The following EEFSEC variants were observed in gnomAD, a reference collection of about 807,000 sequenced individuals.
EEFSEC encodes the protein eukaryotic elongation factor, selenocysteine-tRNA specific, also known as selenocysteine-specific elongation factor.
EEFSEC carries 43 observed loss-of-function variants against 42.1 expected under a neutral mutation model. That is an observed-to-expected ratio of 1.02 (90% confidence interval 0.80 to 1.32). EEFSEC has a LOEUF of 1.32. Among genes scored for constraint, EEFSEC ranks in the 40% most tolerant of loss-of-function variants. The pLI is 0.00. For missense variants in EEFSEC, 745 were observed against 803.6 expected (o/e 0.93, Z 0.88); for synonymous variants, 354 against 339.1 (o/e 1.04, Z -0.48).
At chr3:128,161,513 C>G (rs1307270791) in intron 1 of EEFSEC, among the ~76,000 whole-genome samples, 1 of 152,138 alleles carries the variant, frequency 6.6e-6, no homozygotes, top group Non-Finnish European at 1.5e-5. Context: ...GTGGGTCTGA[C>G]CCTCTCTGAG....
chr3:128,246,242 A>G (rs1457762945), intron 1 of EEFSEC, among the ~76,000 whole-genome samples: 5 of 151,972 alleles, frequency 3.3e-5, no homozygotes, highest in Non-Finnish European at 7.4e-5. Context: ...ACACACACAC[A>G]CACACACACG....
intron 1 of EEFSEC, among the ~76,000 whole-genome samples, chr3:128,241,329 C>T (rs2066069111): frequency 6.6e-6 from 1 of 151,884 alleles, no homozygotes; most frequent in East Asian, 1.9e-4. Flanking sequence ...CCTACCTTAG[C>T]CTCCCAAGTA....
chr3:128,359,009 A>G (rs1010073963), intron 6 of EEFSEC, among the ~76,000 whole-genome samples: 4 of 152,140 alleles, frequency 2.6e-5, no homozygotes, highest in Admixed American at 6.5e-5. Flanking sequence ...GGGGATATGG[A>G]GCTTACAGTT....
chr3:128,269,832 C>A (rs981797507), intron 4 of EEFSEC, among the ~76,000 whole-genome samples: 1 of 152,250 alleles, frequency 6.6e-6, no homozygotes, highest in African/African-American at 2.4e-5. Context: ...CTCTCTCGAT[C>A]TTCAGCCTGA....
At chr3:128,243,618 C>T (rs1486627400) in intron 1 of EEFSEC, among the ~76,000 whole-genome samples, 2 of 152,202 alleles carry the variant, frequency 1.3e-5, no homozygotes, top group African/African-American at 4.8e-5. Flanking sequence ...TATGAACCCT[C>T]AGCATGGAGC....
intron 4 of EEFSEC, among the ~76,000 whole-genome samples, chr3:128,282,062 T>A (rs1057145415): frequency 2.0e-5 from 3 of 152,174 alleles, no homozygotes; most frequent in African/African-American, 7.2e-5. Context: ...GGTCCCGTGC[T>A]CCCCACGTGC....
chr3:128,246,722 A>G (rs2066131526), intron 1 of EEFSEC, 114 bp from the exon 2 acceptor site: 1 of 1,116,888 alleles, frequency 9.0e-7, no homozygotes, highest in East Asian at 2.4e-5. Context: ...TGTAGTCACC[A>G]TTTATTCCAC....
chr3:128,309,088 A>G (rs1411034461), intron 4 of EEFSEC, among the ~76,000 whole-genome samples: 1 of 152,244 alleles, frequency 6.6e-6, no homozygotes, highest in Admixed American at 6.5e-5. Context: ...CCCATGAGCA[A>G]GAGTGTGAAA....
At chr3:128,262,095 T>C in intron 2 of EEFSEC, 33 bp from the exon 3 acceptor site, 1 of 1,607,162 alleles carries the variant, frequency 6.2e-7, no homozygotes, top group Non-Finnish European at 8.5e-7. Flanking sequence ...TGCTGATCTC[T>C]GTAACTGTGA....
intron 6 of EEFSEC, among the ~76,000 whole-genome samples, chr3:128,374,958 C>T (rs1306163714): frequency 6.6e-6 from 1 of 152,246 alleles, no homozygotes; most frequent in Non-Finnish European, 1.5e-5. Flanking sequence ...TGACTGTTCT[C>T]ATTTTTGTCC....
chr3:128,203,244 G>A (rs1310857072), intron 1 of EEFSEC, among the ~76,000 whole-genome samples: 4 of 152,198 alleles, frequency 2.6e-5, no homozygotes, highest in East Asian at 1.9e-4. Flanking sequence ...ATTTGTTGAC[G>A]GAAGTGATTT....
intron 1 of EEFSEC, among the ~76,000 whole-genome samples, chr3:128,188,095 G>A (rs1466027661): frequency 1.3e-5 from 2 of 152,148 alleles, no homozygotes; most frequent in Admixed American, 6.5e-5. Context: ...GGCATTGATG[G>A]GTTGGAGGGG....
chr3:128,156,305 G>A (rs1341378361), intron 1 of EEFSEC, among the ~76,000 whole-genome samples: 4 of 152,200 alleles, frequency 2.6e-5, no homozygotes, highest in African/African-American at 9.6e-5. Context: ...GAGCGTGGTG[G>A]TTACCATTTA....
chr3:128,348,142 G>C (rs902846213), intron 5 of EEFSEC, among the ~76,000 whole-genome samples: 1 of 152,100 alleles, frequency 6.6e-6, no homozygotes, highest in African/African-American at 2.4e-5. Context: ...TGTGGCCACA[G>C]AGAAAAAACC....
Position 128,153,704 on chromosome 3 carries a change from C to T in EEFSEC, c.197C>T (p.Ser66Leu), listed in dbSNP as rs1002418646. 6.3e-7 allele frequency: 1 copy of T among 1,588,056 alleles called. No individual in the cohort carries two copies. Among genetic ancestry groups the T allele is most frequent in the Non-Finnish European group, 8.5e-7 (1 of 1,175,368 alleles). The change falls in exon 1 of 7, where the codon TCG (serine) becomes TTG (leucine). Residue 66 changes from serine (S) to leucine (L), a missense_variant. By Grantham distance (145) the Ser-to-Leu change is moderately radical (BLOSUM62 -2). Transcript: ENST00000254730. ...GTGCCGCTGCCCGCGCGCCTGCGGTCGTCTTTGCCCGAGTTCCAGGCAGCG... is the reference window on the plus strand; with the variant it reads ...GTGCCGCTGCCCGCGCGCCTGCGGTTGTCTTTGCCCGAGTTCCAGGCAGCG... Reference protein sequence around the residue: ...FSVPLPARLRSSLPEFQAAPE... With the variant: ...FSVPLPARLRLSLPEFQAAPE...
chr3:128,406,434 G>A (rs1422622481), intron 6 of EEFSEC, among the ~76,000 whole-genome samples: 2 of 152,166 alleles, frequency 1.3e-5, no homozygotes, highest in African/African-American at 4.8e-5. Context: ...AATCGATTCA[G>A]GAGATCCGCT....
intron 6 of EEFSEC, among the ~76,000 whole-genome samples, chr3:128,370,282 C>T (rs1411135142): frequency 6.6e-6 from 1 of 152,146 alleles, no homozygotes; most frequent in East Asian, 1.9e-4. Context: ...GGTTTGACCA[C>T]TAGTGAAGGT....
chr3:128,369,931 A>T (rs2067633869), intron 6 of EEFSEC, among the ~76,000 whole-genome samples: 1 of 152,180 alleles, frequency 6.6e-6, no homozygotes, highest in Non-Finnish European at 1.5e-5. Flanking sequence ...GCAGAACCAC[A>T]ACGCAGTTAC....
At chr3:128,292,144 C>A (rs1230802931) in intron 4 of EEFSEC, among the ~76,000 whole-genome samples, 1 of 152,002 alleles carries the variant, frequency 6.6e-6, no homozygotes, top group Admixed American at 6.6e-5. Flanking sequence ...GAATGTCAGA[C>A]CCACTTTACA....
Sources: gnomAD v4.1 joint callset for allele counts (sites outside exome capture counted in the v4.1 genomes callset) on GRCh38, gnomAD v4.1.1 for gene constraint, MANE v1.5 for transcripts, NCBI Gene and HGNC (gene_info 2026-07-23, HGNC 2026-07-21) for gene names.